Variants in SCFD2 observed in about 807,000 individuals in gnomAD.
The protein encoded by SCFD2 is sec1 family domain-containing protein 2.
In SCFD2, 54 loss-of-function variants were observed where a neutral mutation model predicts 58.9. The observed-to-expected ratio is 0.92, with a 90% CI of 0.74 to 1.15. SCFD2 has a LOEUF of 1.15. SCFD2 is among the 50% of genes most tolerant of loss of function. SCFD2 has a pLI of 0.00. For missense variants in SCFD2, 805 were observed against 836.6 expected (o/e 0.96, Z 0.47); for synonymous variants, 321 against 335.9 (o/e 0.96, Z 0.49).
chr4:52,873,880 A>G lies in SCFD2; in HGVS notation c.*89T>C. On this transcript the variant is annotated 3_prime_UTR_variant, in exon 9 of 9. Transcript: ENST00000401642. ...ATCATTCTCGCAATTAGTGACAGGG[A>G]CGCTGGTTGTGGAGGAGTATTTGGA... 2.3e-6 allele frequency: 2 copies of G among 871,150 alleles called. No homozygotes were observed. Among genetic ancestry groups the G allele is most frequent in the South Asian group, 1.4e-5 (1 of 69,012 alleles). The allele number at this position is 871,150 out of a possible 1,614,324, so 54.0% of individuals were successfully genotyped here.
chr4:52,962,395 T>C (rs1380872151), intron 5 of SCFD2, among the ~76,000 whole-genome samples: 1 of 152,156 alleles, frequency 6.6e-6, no homozygotes, highest in East Asian at 1.9e-4. Context: ...CCTTACAAAC[T>C]CTTGAGGCCA....
chr4:53,253,262 G>A (rs1033213277), intron 4 of SCFD2, among the ~76,000 whole-genome samples: 2 of 152,294 alleles, frequency 1.3e-5, no homozygotes, highest in African/African-American at 4.8e-5. Context: ...AGGATGTGGA[G>A]AAATAGGAAC....
At chr4:53,268,266 C>A (rs1239110288) in intron 4 of SCFD2, among the ~76,000 whole-genome samples, 4 of 151,898 alleles carry the variant, frequency 2.6e-5, no homozygotes, top group Non-Finnish European at 5.9e-5. Flanking sequence ...AGGGCATCCA[C>A]GTGGAAGGTG....
rs186699232 is a variant in SCFD2, at chr4:53,338,831, C to T, written c.1007+13767G>A. Among the ~76,000 whole-genome samples the T allele has an allele frequency of 3.4e-3, 519 of 151,882 alleles. 8 individuals are homozygous for T. Among genetic ancestry groups the T allele is most frequent in the African/African-American group, 0.012 (497 of 41,450 alleles). On this transcript the variant is annotated intron_variant, in intron 2 of 8. Coordinates refer to ENST00000401642, the MANE Select transcript of SCFD2 (RefSeq NM_152540.4). ...TCCTGACCTCGTGATCCGCCCGCCT[C>T]GGCCTCCCAAAGTGCTGGGATTACA...
intron 4 of SCFD2, among the ~76,000 whole-genome samples, chr4:53,246,996 C>CA (rs55821656): frequency 0.36 from 34,129 of 95,090 alleles, 4,736 homozygotes; most frequent in Admixed American, 0.41. Context: ...AAAAAATTTA[C>CA]AAAAAAAAAA....
intron 2 of SCFD2, among the ~76,000 whole-genome samples, chr4:53,332,607 A>G (rs976402544): frequency 1.8e-4 from 28 of 152,354 alleles, no homozygotes; most frequent in African/African-American, 6.7e-4. Flanking sequence ...TCAAAATAGT[A>G]AGAGCTATCT....
intron 5 of SCFD2, among the ~76,000 whole-genome samples, chr4:52,944,539 G>A (rs941073936): frequency 1.3e-5 from 2 of 152,148 alleles, no homozygotes; most frequent in Non-Finnish European, 1.5e-5. Context: ...ACACTGTAAA[G>A]AGATAGATGT....
At chr4:53,015,335 T>C (rs1384560515) in intron 5 of SCFD2, among the ~76,000 whole-genome samples, 1 of 152,176 alleles carries the variant, frequency 6.6e-6, no homozygotes, top group Non-Finnish European at 1.5e-5. Context: ...GGACCTGCTA[T>C]TTGCCAGGCA....
At chr4:52,934,170 G>C (rs888905803) in intron 5 of SCFD2, among the ~76,000 whole-genome samples, 11 of 152,172 alleles carry the variant, frequency 7.2e-5, no homozygotes, top group African/African-American at 2.2e-4. Context: ...TAACATTTAA[G>C]TTCTCTTTTC....
At chr4:53,304,167 T>C (rs1198217539) in intron 3 of SCFD2, among the ~76,000 whole-genome samples, 2 of 152,156 alleles carry the variant, frequency 1.3e-5, no homozygotes, top group African/African-American at 2.4e-5. Context: ...TACTCTCTTC[T>C]GGCTTGTAGG....
intron 4 of SCFD2, among the ~76,000 whole-genome samples, chr4:53,235,370 C>A (rs1317081137): frequency 6.6e-6 from 1 of 152,160 alleles, no homozygotes; most frequent in Admixed American, 6.5e-5. Context: ...CAATCTGTGG[C>A]AAGTAAATTC....
intron 2 of SCFD2, among the ~76,000 whole-genome samples, chr4:53,319,054 AATC>A (rs1286672277): frequency 2.6e-5 from 4 of 152,208 alleles, no homozygotes; most frequent in African/African-American, 9.6e-5. Context: ...ATATTATGCA[AATC>A]ATCAAAGAGA....
chr4:53,142,151 T>C (rs1328785940), intron 5 of SCFD2, among the ~76,000 whole-genome samples: 2 of 152,144 alleles, frequency 1.3e-5, no homozygotes, highest in Non-Finnish European at 2.9e-5. Flanking sequence ...ATAAAGACAA[T>C]AACAAGAAAA....
chr4:52,908,296 G>A (rs1166968534), intron 6 of SCFD2, among the ~76,000 whole-genome samples: 1 of 152,190 alleles, frequency 6.6e-6, no homozygotes, highest in Non-Finnish European at 1.5e-5. Flanking sequence ...TATATGGGGA[G>A]CCAGCCGCCT....
intron 5 of SCFD2, among the ~76,000 whole-genome samples, chr4:53,021,465 TTCC>T (rs1243210908): frequency 6.6e-6 from 1 of 152,194 alleles, no homozygotes; most frequent in Non-Finnish European, 1.5e-5. Context: ...TGCAAATCAT[TTCC>T]TCAACAGAAA....
intron 4 of SCFD2, among the ~76,000 whole-genome samples, chr4:53,250,268 G>A (rs1730309580): frequency 6.6e-6 from 1 of 152,156 alleles, no homozygotes; most frequent in Non-Finnish European, 1.5e-5. Context: ...AAATATATAT[G>A]CACCCAATAT....
chr4:52,898,464 T>C (rs1719086514), intron 7 of SCFD2, among the ~76,000 whole-genome samples: 1 of 152,238 alleles, frequency 6.6e-6, no homozygotes, highest in Non-Finnish European at 1.5e-5. Context: ...TGAGCGGTTT[T>C]GAGTGAGTTT....
rs149385184 is a variant in SCFD2 at position 52,905,639 on chromosome 4, C to T, written c.1842+1818G>A. Among the ~76,000 whole-genome samples, 38 of 152,278 alleles carry T rather than the reference C, an allele frequency of 2.5e-4. No homozygotes were observed. The East Asian group carries it at 5.6e-3, about 22-fold the overall frequency. On this transcript the variant is annotated intron_variant, in intron 7 of 8. Transcript: ENST00000401642. Reference sequence around the variant, plus strand: ...CTTAAGCTGGCAGAGCATTTTGTCACGAGCCCTAACACTGGGGGTTTGAAA... The same window carrying T: ...CTTAAGCTGGCAGAGCATTTTGTCATGAGCCCTAACACTGGGGGTTTGAAA...
chr4:53,158,368 G>C (rs1353617662), intron 4 of SCFD2, among the ~76,000 whole-genome samples: 7 of 152,146 alleles, frequency 4.6e-5, no homozygotes, highest in Admixed American at 4.6e-4. Context: ...TTCTCCACTT[G>C]TATATCTCAC....
Sources: allele counts gnomAD v4.1 joint callset (sites outside exome capture counted in the v4.1 genomes callset), GRCh38; gene constraint gnomAD v4.1.1; transcripts MANE v1.5; gene names NCBI Gene and HGNC (gene_info 2026-07-23, HGNC 2026-07-21).